The following LTBP1 variants were observed in gnomAD, a reference collection of about 807,000 sequenced individuals.
LTBP1 encodes the protein latent transforming growth factor beta binding protein 1.
Under a neutral mutation model 207.6 loss-of-function variants are expected in LTBP1, and 129 were observed. The observed-to-expected ratio is 0.62, with a 90% CI of 0.54 to 0.72. LTBP1 has a LOEUF of 0.72. Ranked by LOEUF, LTBP1 falls within the 30% of genes least tolerant of loss-of-function variation. The pLI, the probability that LTBP1 is intolerant of heterozygous loss-of-function variation, is 0.00. For synonymous variants in LTBP1, 963 were observed against 833.7 expected (o/e 1.16, Z -2.67); for missense variants, 2,281 against 2,217.2 (o/e 1.03, Z -0.58).
chr2:33,386,900 G>A (rs1176212883), intron 31 of LTBP1, among the ~76,000 whole-genome samples: 2 of 143,022 alleles, frequency 1.4e-5, no homozygotes, highest in African/African-American at 5.3e-5. Flanking sequence ...GTGCAATTTC[G>A]GCTCACTGCA....
At chr2:33,107,139 A>G (rs2080107992) in intron 3 of LTBP1, among the ~76,000 whole-genome samples, 1 of 152,242 alleles carries the variant, frequency 6.6e-6, no homozygotes, top group African/African-American at 2.4e-5. Flanking sequence ...TATGAAAAGA[A>G]TAGCTTAGAA....
intron 2 of LTBP1, among the ~76,000 whole-genome samples, chr2:32,964,067 T>C (rs1467194283): frequency 6.6e-6 from 1 of 152,208 alleles, no homozygotes; most frequent in Non-Finnish European, 1.5e-5. Context: ...TTGGCAGGGA[T>C]TGTGCTTCCT....
At chr2:33,238,451 T>G (rs2092154967) in intron 9 of LTBP1, among the ~76,000 whole-genome samples, 1 of 152,238 alleles carries the variant, frequency 6.6e-6, no homozygotes, top group South Asian at 2.1e-4. Flanking sequence ...ATGCACCAAA[T>G]GTCATACTTT....
intron 2 of LTBP1, among the ~76,000 whole-genome samples, chr2:33,017,161 T>C (rs1412800482): frequency 6.6e-6 from 1 of 152,228 alleles, no homozygotes; most frequent in African/African-American, 2.4e-5. Context: ...GACAAATGTG[T>C]AGACTTTTGG....
chr2:33,143,804 T>C (rs925635489), intron 5 of LTBP1, among the ~76,000 whole-genome samples: 3 of 151,864 alleles, frequency 2.0e-5, no homozygotes, highest in Non-Finnish European at 4.4e-5. Context: ...TTTTTTTTCT[T>C]TCCTATTATA....
intron 25 of LTBP1, among the ~76,000 whole-genome samples, chr2:33,343,955 T>G (rs1338918398): frequency 6.6e-6 from 1 of 152,232 alleles, no homozygotes; most frequent in African/African-American, 2.4e-5. Context: ...TTCTTTATTC[T>G]TAGAGAAAAA....
At chr2:32,983,490 G>T (rs772262773) in intron 2 of LTBP1, among the ~76,000 whole-genome samples, 1 of 152,152 alleles carries the variant, frequency 6.6e-6, no homozygotes, top group Non-Finnish European at 1.5e-5. Context: ...TGAAACATGA[G>T]GACATGAGAT....
chr2:33,004,447 A>G (rs60211727), intron 2 of LTBP1, among the ~76,000 whole-genome samples: 54,138 of 151,692 alleles, frequency 0.36, 10,184 homozygotes, highest in East Asian at 0.68. Flanking sequence ...TCCACATACC[A>G]TACAATTCCC....
intron 5 of LTBP1, among the ~76,000 whole-genome samples, chr2:33,166,158 G>T (rs1384469069): frequency 1.3e-5 from 2 of 150,632 alleles, no homozygotes; most frequent in African/African-American, 4.9e-5. Flanking sequence ...TAGTTTATAA[G>T]AATTAGATAA....
At chr2:33,102,239 G>A (rs1467488508) in intron 3 of LTBP1, among the ~76,000 whole-genome samples, 1 of 152,118 alleles carries the variant, frequency 6.6e-6, no homozygotes, top group East Asian at 1.9e-4. Context: ...TTTCAACCAT[G>A]GAACTATTGA....
chr2:33,333,985 A>G (rs1430164219), intron 24 of LTBP1, among the ~76,000 whole-genome samples: 1 of 152,242 alleles, frequency 6.6e-6, no homozygotes, highest in Non-Finnish European at 1.5e-5. Flanking sequence ...ATGGTACTGT[A>G]GAATCCAAGG....
At chr2:33,339,151 G>C (rs1401033203) in intron 24 of LTBP1, among the ~76,000 whole-genome samples, 1 of 152,076 alleles carries the variant, frequency 6.6e-6, no homozygotes, top group African/African-American at 2.4e-5. Flanking sequence ...ATAGGAGAAA[G>C]TGAAGGGTGA....
At chr2:33,218,203 G>T (rs1026801868) in intron 8 of LTBP1, among the ~76,000 whole-genome samples, 1 of 152,060 alleles carries the variant, frequency 6.6e-6, no homozygotes, top group Non-Finnish European at 1.5e-5. Context: ...TCTGACACTG[G>T]TTTTATGCTG....
intron 3 of LTBP1, among the ~76,000 whole-genome samples, chr2:33,096,928 G>A (rs754623297): frequency 3.3e-5 from 5 of 152,176 alleles, no homozygotes; most frequent in Non-Finnish European, 7.3e-5. Flanking sequence ...AGCAGGTGGT[G>A]GTGGTGGTTT....
intron 3 of LTBP1, among the ~76,000 whole-genome samples, chr2:33,088,191 C>T (rs422784): frequency 0.038 from 5,850 of 152,298 alleles, 193 homozygotes; most frequent in Non-Finnish European, 0.066. Context: ...CGGTGGCTCA[C>T]GCCTGTAATC....
At chr2:33,079,323 A>T (rs1409412520) in intron 3 of LTBP1, among the ~76,000 whole-genome samples, 1 of 152,124 alleles carries the variant, frequency 6.6e-6, no homozygotes, top group Admixed American at 6.6e-5. Context: ...TCACAGTGAA[A>T]TGGGAACACA....
intron 4 of LTBP1, among the ~76,000 whole-genome samples, chr2:33,126,002 G>C (rs948483876): frequency 6.6e-6 from 1 of 152,112 alleles, no homozygotes; most frequent in Non-Finnish European, 1.5e-5. Flanking sequence ...CTGAAGGCTT[G>C]ACTGGGCCTA....
chr2:33,275,802 T>A lies in LTBP1; in HGVS notation c.2871T>A (p.Asp957Glu), dbSNP rs1376778271. 1 of 1,613,988 alleles carries A rather than the reference T, an allele frequency of 6.2e-7. No individual in the cohort carries two copies. The highest frequency in any genetic ancestry group is 2.2e-5 in the East Asian group (1 of 44,886). The change falls in exon 18 of 34, where the codon GAT (aspartate) becomes GAA (glutamate). Residue 957 changes from aspartate to glutamate, a missense_variant and splice_region_variant. Physicochemically the swap from Asp to Glu is conservative, Grantham distance 45 (BLOSUM62 2). Coordinates refer to ENST00000404816, the MANE Select transcript of LTBP1 (RefSeq NM_206943.4). ...MASEEGTNCIDVDECLRPDVC... is the reference protein window; with the variant it reads ...MASEEGTNCIEVDECLRPDVC... Reference sequence around the variant, plus strand: ...AACAATGCTATCTGCTCTTCGTAGATGTTGACGAATGCCTGAGGCCGGACG... The same window carrying A: ...AACAATGCTATCTGCTCTTCGTAGAAGTTGACGAATGCCTGAGGCCGGACG...
intron 20 of LTBP1, among the ~76,000 whole-genome samples, chr2:33,298,466 C>G (rs993865034): frequency 6.6e-6 from 1 of 152,126 alleles, no homozygotes; most frequent in South Asian, 2.1e-4. Flanking sequence ...CAAAAAGATT[C>G]CAAAGCACTA....
Sources: gnomAD v4.1 joint callset for allele counts (sites outside exome capture counted in the v4.1 genomes callset) on GRCh38, gnomAD v4.1.1 for gene constraint, MANE v1.5 for transcripts, NCBI Gene and HGNC (gene_info 2026-07-23, HGNC 2026-07-21) for gene names.